CDH4: variants seen among roughly 807,000 people sequenced by gnomAD.
The protein encoded by CDH4 is cadherin 4, also known as cadherin-4.
CDH4 carries 33 observed loss-of-function variants against 86.0 expected under a neutral mutation model. The ratio of observed to expected loss-of-function variants is 0.38; its 90% CI spans 0.29 to 0.51. The LOEUF (loss-of-function observed/expected upper bound fraction) is 0.51. Ranked by LOEUF, CDH4 falls within the 20% of genes least tolerant of loss-of-function variation. The pLI is 0.86. For synonymous variants in CDH4, 555 were observed against 549.4 expected (o/e 1.01, Z -0.14); for missense variants, 1,114 against 1,307.4 (o/e 0.85, Z 2.28).
At chr20:61,661,059 G>A (rs891976775) in intron 2 of CDH4, among the ~76,000 whole-genome samples, 1 of 148,610 alleles carries the variant, frequency 6.7e-6, no homozygotes. Flanking sequence ...TGGATGGAGG[G>A]AGGCGGCATG....
At chr20:61,610,892 G>A (rs2086680141) in intron 2 of CDH4, among the ~76,000 whole-genome samples, 1 of 152,162 alleles carries the variant, frequency 6.6e-6, no homozygotes, top group Non-Finnish European at 1.5e-5. Flanking sequence ...GGGCTCCAGA[G>A]TGGACCTGCA....
chr20:61,284,120 A>G (rs2084280233), intron 2 of CDH4, among the ~76,000 whole-genome samples: 1 of 150,302 alleles, frequency 6.7e-6, no homozygotes, highest in Non-Finnish European at 1.5e-5. Flanking sequence ...CCTGGCTAAC[A>G]CGGTGAAAAC....
intron 2 of CDH4, among the ~76,000 whole-genome samples, chr20:61,629,924 C>T (rs1003372489): frequency 6.6e-6 from 1 of 152,192 alleles, no homozygotes; most frequent in African/African-American, 2.4e-5. Context: ...CCCTGTGACT[C>T]AGCGCAAGGA....
rs377528761 is a variant in CDH4 at position 61,838,949 on chromosome 20, G to A, written c.577-5719G>A. Among the ~76,000 whole-genome samples, 9 of 152,284 alleles carry A rather than the reference G, an allele frequency of 5.9e-5. No homozygotes were observed. The South Asian group carries it at 8.3e-4, about 14-fold the overall frequency. The stretch of plus-strand genomic sequence containing the variant: ...CTGTGCCTTCGGGATGGGGCAAGAC[G>A]GCCATGGCACCTGTTGGCACCATCC... On this transcript the variant is annotated intron_variant, in intron 4 of 15. Transcript: ENST00000614565.
chr20:61,705,389 G>T (rs572240674), intron 2 of CDH4, among the ~76,000 whole-genome samples: 1 of 152,252 alleles, frequency 6.6e-6, no homozygotes, highest in Non-Finnish European at 1.5e-5. Flanking sequence ...GAGGGAGCAC[G>T]TTCAGCCCTT....
intron 2 of CDH4, among the ~76,000 whole-genome samples, chr20:61,396,445 G>T (rs1029477838): frequency 1.3e-5 from 2 of 152,190 alleles, no homozygotes; most frequent in African/African-American, 4.8e-5. Context: ...TGCTGGCAGC[G>T]TCCGGTGTTT....
chr20:61,576,527 A>C (rs1250792119), intron 2 of CDH4, among the ~76,000 whole-genome samples: 6 of 152,128 alleles, frequency 3.9e-5, no homozygotes, highest in Admixed American at 1.3e-4. Flanking sequence ...GCTGGCAAAA[A>C]TATGTCTGTA....
intron 2 of CDH4, among the ~76,000 whole-genome samples, chr20:61,534,901 TGCTGGGAC>T (rs1249168694): frequency 2.7e-5 from 4 of 149,446 alleles, no homozygotes; most frequent in Non-Finnish European, 5.9e-5. Context: ...TGGCCTCCCT[TGCTGGGAC>T]GCTCCTTTGG....
intron 2 of CDH4, among the ~76,000 whole-genome samples, chr20:61,700,543 C>A (rs1194842196): frequency 1.3e-5 from 2 of 152,210 alleles, no homozygotes; most frequent in African/African-American, 4.8e-5. Flanking sequence ...GGGTTGTCAC[C>A]CCAGCAAGGG....
intron 2 of CDH4, among the ~76,000 whole-genome samples, chr20:61,434,465 C>G (rs112001739): frequency 6.6e-6 from 1 of 152,088 alleles, no homozygotes; most frequent in Non-Finnish European, 1.5e-5. Context: ...ACGTTCACCG[C>G]GGCGCTCAAA....
At chr20:61,748,366 C>T (rs998995266) in intron 3 of CDH4, among the ~76,000 whole-genome samples, 1 of 152,136 alleles carries the variant, frequency 6.6e-6, no homozygotes, top group African/African-American at 2.4e-5. Context: ...CTCTTAATCT[C>T]GTGATCTGCC....
intron 3 of CDH4, among the ~76,000 whole-genome samples, chr20:61,758,231 T>C (rs1300149386): frequency 6.6e-6 from 1 of 152,048 alleles, no homozygotes; most frequent in Non-Finnish European, 1.5e-5. Context: ...AGGTGATGTA[T>C]GGGAAGAAGC....
At chr20:61,307,694 G>A (rs2084424695) in intron 2 of CDH4, among the ~76,000 whole-genome samples, 1 of 152,184 alleles carries the variant, frequency 6.6e-6, no homozygotes, top group South Asian at 2.1e-4. Context: ...AGGAAGAGGG[G>A]CTTTTGTTTT....
intron 2 of CDH4, among the ~76,000 whole-genome samples, chr20:61,691,998 C>T (rs775541871): frequency 1.3e-5 from 2 of 152,154 alleles, no homozygotes; most frequent in Admixed American, 6.5e-5. Flanking sequence ...CTGTTTTTGC[C>T]AAGGACGTAA....
At chr20:61,414,107 C>A (rs529288783) in intron 2 of CDH4, among the ~76,000 whole-genome samples, 2 of 152,380 alleles carry the variant, frequency 1.3e-5, no homozygotes, top group East Asian at 3.9e-4. Context: ...CCAGTGACCC[C>A]ATTTCACCTC....
chr20:61,627,995 A>G (rs2086846596), intron 2 of CDH4, among the ~76,000 whole-genome samples: 1 of 151,948 alleles, frequency 6.6e-6, no homozygotes, highest in Non-Finnish European at 1.5e-5. Context: ...CTCCTCACAC[A>G]GCACAAAGCC....
chr20:61,362,714 T>C (rs2084790730), intron 2 of CDH4, among the ~76,000 whole-genome samples: 1 of 151,876 alleles, frequency 6.6e-6, no homozygotes, highest in African/African-American at 2.4e-5. Flanking sequence ...TCAGTGCCCC[T>C]GGCTGGATGG....
chr20:61,528,584 C>T (rs970575229), intron 2 of CDH4, among the ~76,000 whole-genome samples: 1 of 151,124 alleles, frequency 6.6e-6, no homozygotes, highest in Non-Finnish European at 1.5e-5. Flanking sequence ...AGCCTGGCAA[C>T]GTAGAAAGAC....
intron 2 of CDH4, among the ~76,000 whole-genome samples, chr20:61,282,386 G>C (rs946959294): frequency 1.3e-5 from 2 of 152,136 alleles, no homozygotes; most frequent in African/African-American, 4.8e-5. Flanking sequence ...TTCACCTTTG[G>C]CTCTATCCCT....
Sources: allele counts gnomAD v4.1 joint callset (sites outside exome capture counted in the v4.1 genomes callset), GRCh38; gene constraint gnomAD v4.1.1; transcripts MANE v1.5; gene names NCBI Gene and HGNC (gene_info 2026-07-23, HGNC 2026-07-21).